Variants in PCDHGA6 observed in about 807,000 individuals in gnomAD.
PCDHGA6 encodes protocadherin gamma-A6.
PCDHGA6 carries 41 observed loss-of-function variants against 60.6 expected under a neutral mutation model. That is an observed-to-expected ratio of 0.68 (90% CI 0.53 to 0.88). The LOEUF (loss-of-function observed/expected upper bound fraction) is 0.88, where lower values mean the gene tolerates loss of function less well. Ranked by LOEUF, PCDHGA6 falls within the 40% of genes least tolerant of loss-of-function variation. The pLI, the probability that PCDHGA6 is intolerant of heterozygous loss-of-function variation, is 0.00. For synonymous variants in PCDHGA6, 594 were observed against 524.4 expected, an observed-to-expected ratio of 1.13 and a Z score of -1.81; for missense variants, 1,312 against 1,203.0, an observed-to-expected ratio of 1.09 and a Z score of -1.34.
At position 141,485,681 on chromosome 5, in the gene PCDHGA6, T is replaced by A; in HGVS notation, c.2425-9126T>A. The A allele has an allele frequency of 6.2e-7, 1 of 1,614,074 alleles. No homozygotes were observed. The highest frequency in any genetic ancestry group is 8.5e-7 in the Non-Finnish European group (1 of 1,179,966). ...TGTGGGGAGCAATTCGATTAGCAGC[T>A]ATAGGCTGAGCTCCAATGAACACTT... On this transcript the variant is annotated intron_variant, in intron 1 of 3. Transcript: ENST00000517434. The surrounding 1 kb of genome is among the most constrained non-coding windows in gnomAD (Gnocchi z 5.7).
intron 1 of PCDHGA6, chr5:141,398,277 C>T: frequency 1.4e-6 from 2 of 1,407,866 alleles, no homozygotes; most frequent in Non-Finnish European, 1.9e-6. Flanking sequence ...TGGGGAACCT[C>T]GCCACGGACC....
Position 141,491,665 on chromosome 5 carries a change from C to G in PCDHGA6, c.2425-3142C>G. The stretch of plus-strand genomic sequence containing the variant: ...TCTGGCGCTGGAGCCTGACGCCATC[C>G]GGTCCCGCTCTAATACGCTGCGGGA... On this transcript the variant is annotated intron_variant, in intron 1 of 3. Transcript: ENST00000517434. This position sits in a 1 kb window ranked among gnomAD's most constrained non-coding sequence, Gnocchi z 6.9. 1 of 1,613,764 alleles carries G rather than the reference C, an allele frequency of 6.2e-7. No homozygotes were observed. Among genetic ancestry groups the G allele is most frequent in the Non-Finnish European group, 8.5e-7 (1 of 1,180,000 alleles).
intron 1 of PCDHGA6, chr5:141,385,514 G>T: frequency 7.3e-7 from 1 of 1,363,606 alleles, no homozygotes; most frequent in Non-Finnish European, 9.5e-7. Context: ...TTTAGTGAAA[G>T]CCTATGGACA....
At chr5:141,408,579 T>G in intron 1 of PCDHGA6, 1 of 1,614,026 alleles carries the variant, frequency 6.2e-7, no homozygotes, top group Non-Finnish European at 8.5e-7. Flanking sequence ...ATTGAGGATG[T>G]TAATGACCAC....
chr5:141,414,263 A>G, intron 1 of PCDHGA6: 1 of 1,613,500 alleles, frequency 6.2e-7, no homozygotes, highest in Non-Finnish European at 8.5e-7. Flanking sequence ...GTGACTGAAG[A>G]TTCACCTCTG....
intron 1 of PCDHGA6, among the ~76,000 whole-genome samples, chr5:141,465,048 AT>A (rs905091014): frequency 4.0e-5 from 6 of 151,346 alleles, no homozygotes; most frequent in African/African-American, 9.7e-5. Context: ...GACCCTATAT[AT>A]TTTTTTGAAT....
In PCDHGA6 at chr5:141,384,156, C is replaced by A. The variant is rs760709557; in HGVS notation, c.2424+7649C>A. The A allele has an allele frequency of 1.9e-6, 3 of 1,613,342 alleles. No individual in the cohort carries two copies. In the African/African-American group the frequency reaches 4.0e-5, roughly 22 times the overall value. On this transcript the variant is annotated intron_variant, in intron 1 of 3. Transcript: ENST00000517434. ...ACCGGGAAACACTCTCTTTGTATAACATCACACTGAAAGCCACAGATGGTG... is the reference window on the plus strand; with the variant it reads ...ACCGGGAAACACTCTCTTTGTATAAAATCACACTGAAAGCCACAGATGGTG...
intron 1 of PCDHGA6, chr5:141,404,551 G>A (rs764332245): frequency 1.9e-5 from 31 of 1,613,748 alleles, no homozygotes; most frequent in African/African-American, 1.1e-4. Flanking sequence ...TGCAGGTGAC[G>A]GCAAGTGACA....
intron 1 of PCDHGA6, among the ~76,000 whole-genome samples, chr5:141,380,518 T>A (rs1166161347): frequency 2.6e-5 from 4 of 152,254 alleles, no homozygotes; most frequent in Non-Finnish European, 5.9e-5. Context: ...CTTTAAACTA[T>A]GAAATGATTT....
chr5:141,403,367 G>A (rs753470303), intron 1 of PCDHGA6: 1 of 1,614,038 alleles, frequency 6.2e-7, no homozygotes, highest in South Asian at 1.1e-5. Context: ...CGAAAGTCTG[G>A]AAGTAAAAAT....
At chr5:141,467,055 CTT>C (rs1193465269) in intron 1 of PCDHGA6, among the ~76,000 whole-genome samples, 47 of 134,388 alleles carry the variant, frequency 3.5e-4, no homozygotes, top group Admixed American at 6.0e-4. Context: ...TCAATGTTTT[CTT>C]TTTTTTTTTT....
intron 1 of PCDHGA6, chr5:141,404,921 A>G: frequency 6.2e-7 from 1 of 1,613,804 alleles, no homozygotes; most frequent in South Asian, 1.1e-5. Context: ...TCTCTCGGCC[A>G]CTGTCACGCT....
At chr5:141,426,922 T>C in intron 1 of PCDHGA6, 1 of 456,720 alleles carries the variant, frequency 2.2e-6, no homozygotes, top group Non-Finnish European at 4.4e-6. Flanking sequence ...CTGGAAGCAA[T>C]GGACATGGGT....
At chr5:141,481,919 A>C (rs1488201177) in intron 1 of PCDHGA6, among the ~76,000 whole-genome samples, 1 of 151,214 alleles carries the variant, frequency 6.6e-6, no homozygotes, top group Non-Finnish European at 1.5e-5. Context: ...ATCTCAAAAA[A>C]AAAAAAAAAA....
chr5:141,393,113 G>T (rs1296597974), intron 1 of PCDHGA6: 1 of 1,613,500 alleles, frequency 6.2e-7, no homozygotes. Context: ...CTCAGAGCCC[G>T]CGGTGTCTGA....
chr5:141,420,191 CAAGAT>C, intron 1 of PCDHGA6: 1 of 1,613,720 alleles, frequency 6.2e-7, no homozygotes, highest in Non-Finnish European at 8.5e-7. Context: ...TCCAGCCACA[CAAGAT>C]AACCTCAACA....
chr5:141,415,375 G>A (rs1453832867), intron 1 of PCDHGA6: 12 of 1,614,258 alleles, frequency 7.4e-6, no homozygotes, highest in South Asian at 1.1e-5. Context: ...GGCTTCAGGA[G>A]GCGGCTTGAC....
At chr5:141,464,411 A>G (rs1029342220) in intron 1 of PCDHGA6, among the ~76,000 whole-genome samples, 3 of 151,624 alleles carry the variant, frequency 2.0e-5, no homozygotes, top group Admixed American at 6.6e-5. Flanking sequence ...AGATATATAT[A>G]TATCTATATA....
chr5:141,489,427 C>G lies in PCDHGA6; in HGVS notation c.2425-5380C>G, dbSNP rs370540900. ...AAAGATGACAGATCTGTTGAGCCGG[C>G]GGCTGCAATTGGGCTCTGAGGAGAA... On this transcript the variant is annotated intron_variant, in intron 1 of 3. Transcript: ENST00000517434. The surrounding 1 kb of genome is among the most constrained non-coding windows in gnomAD (Gnocchi z 4.5). 6.2e-7 allele frequency: 1 copy of G among 1,614,108 alleles called. No homozygotes were observed. Among genetic ancestry groups the G allele is most frequent in the South Asian group, 1.1e-5 (1 of 91,086 alleles).
Sources: allele counts gnomAD v4.1 joint callset (sites outside exome capture counted in the v4.1 genomes callset), GRCh38; gene constraint gnomAD v4.1.1; non-coding constraint Gnocchi (gnomAD v3.1); transcripts MANE v1.5; gene names NCBI Gene and HGNC (gene_info 2026-07-23, HGNC 2026-07-21).